GRIK1: variants seen among roughly 807,000 people sequenced by gnomAD.
GRIK1 encodes the protein glutamate receptor ionotropic, kainate 1.
GRIK1 carries 69 observed loss-of-function variants against 105.7 expected under a neutral mutation model. The ratio of observed to expected loss-of-function variants is 0.65; its 90% CI spans 0.54 to 0.80. The LOEUF (loss-of-function observed/expected upper bound fraction) is 0.80. Ranked by LOEUF, GRIK1 falls within the 30% of genes least tolerant of loss-of-function variation. The pLI, the probability that GRIK1 is intolerant of heterozygous loss-of-function variation, is 0.00. For synonymous variants in GRIK1, 438 were observed against 431.3 expected, an observed-to-expected ratio of 1.02 and a Z score of -0.19; for missense variants, 1,109 against 1,167.3, an observed-to-expected ratio of 0.95 and a Z score of 0.73.
At chr21:29,554,924 C>T (rs2090209871) in intron 16 of GRIK1, 128 bp downstream of exon 16, 1 of 719,936 alleles carries the variant, frequency 1.4e-6, no homozygotes, top group Non-Finnish European at 2.3e-6. Context: ...TCTGCTCTAA[C>T]TCAAAAATGG....
chr21:29,740,965 A>T (rs1218946899), intron 1 of GRIK1, among the ~76,000 whole-genome samples: 1 of 152,222 alleles, frequency 6.6e-6, no homozygotes, highest in East Asian at 1.9e-4. Context: ...GAAGCTGAAG[A>T]TGTAGAAACC....
intron 4 of GRIK1, among the ~76,000 whole-genome samples, chr21:29,657,124 TTAGA>T (rs2062869630): frequency 6.6e-6 from 1 of 152,156 alleles, no homozygotes; most frequent in African/African-American, 2.4e-5. Flanking sequence ...ACTTTGGTCA[TTAGA>T]TAGTGTAATT....
chr21:29,837,369 C>A (rs1320785064), intron 1 of GRIK1, among the ~76,000 whole-genome samples: 2 of 152,130 alleles, frequency 1.3e-5, no homozygotes, highest in Non-Finnish European at 2.9e-5. Flanking sequence ...AAGCCTTTAG[C>A]AGCATCTGAT....
At chr21:29,872,265 C>A (rs1308959039) in intron 1 of GRIK1, among the ~76,000 whole-genome samples, 19 of 146,642 alleles carry the variant, frequency 1.3e-4, no homozygotes, top group African/African-American at 4.8e-4. Context: ...GCGATCTTGG[C>A]TCACTGCAAG....
intron 1 of GRIK1, among the ~76,000 whole-genome samples, chr21:29,905,946 TTTG>T (rs2070622358): frequency 1.4e-5 from 2 of 142,748 alleles, no homozygotes; most frequent in African/African-American, 6.1e-5. Context: ...GTTTTTTTTG[TTTG>T]TTTGTTTGTT....
At position 29,561,657 on chromosome 21, in the gene GRIK1, C is replaced by T; in HGVS notation, c.2323G>A (p.Asp775Asn). ...CNLTQIGGLI[D>N]SKGYGVGTPI... ...GTTCCCACTCCGTAACCTTTGGAGT[C>T]AATGAGGCCCCCGATCTGAGTGAGG... The change falls in exon 15 of 18, where the codon GAC (aspartate) becomes AAC (asparagine). Residue 775 changes from aspartate (D) to asparagine (N), a missense_variant. By Grantham distance (23) the Asp-to-Asn change is conservative. Transcript: ENST00000327783. 6.2e-7 allele frequency: 1 copy of T among 1,613,732 alleles called. No individual in the cohort carries two copies. Among genetic ancestry groups the T allele is most frequent in the Non-Finnish European group, 8.5e-7 (1 of 1,179,652 alleles).
intron 1 of GRIK1, among the ~76,000 whole-genome samples, chr21:29,721,382 G>A (rs934720567): frequency 6.6e-6 from 1 of 152,098 alleles, no homozygotes. Context: ...GAGAAAGATC[G>A]CAGTGAGAGA....
At position 29,561,716 on chromosome 21, in the gene GRIK1, G is replaced by A. The variant is rs201090248; in HGVS notation, c.2264C>T (p.Thr755Ile). Residue 755 changes from threonine to isoleucine, a missense_variant, in exon 15 of 18, where the codon ACC becomes ATC. By Grantham distance (89) the Thr-to-Ile change is moderately conservative (BLOSUM62 -1). Transcript: ENST00000327783. ...TTDYALLMESTSIEYVTQRNC... is the reference protein window; with the variant it reads ...TTDYALLMESISIEYVTQRNC... ...TCTCTGCGTCACATACTCAATGCTG[G>A]TGGACTCCATCAGCAGCGCGTAGTC... 6.2e-6 allele frequency: 10 copies of A among 1,612,360 alleles called. No homozygotes were observed. Among genetic ancestry groups the A allele is most frequent in the African/African-American group, 1.3e-5 (1 of 74,854 alleles).
intron 13 of GRIK1, among the ~76,000 whole-genome samples, chr21:29,579,334 G>C (rs1345930448): frequency 6.6e-6 from 1 of 152,138 alleles, no homozygotes; most frequent in Non-Finnish European, 1.5e-5. Flanking sequence ...CTTTCAAGTA[G>C]AGATGATTTG....
chr21:29,577,052 G>A lies in GRIK1; in HGVS notation c.2042C>T (p.Ser681Phe), dbSNP rs767533461. 31 of 1,613,230 alleles carry A rather than the reference G, an allele frequency of 1.9e-5. No homozygotes were observed. In the East Asian group the frequency reaches 6.7e-4, roughly 35 times the overall value. The change falls in exon 14 of 18, where the codon TCC (serine) becomes TTC (phenylalanine). Residue 681 changes from serine to phenylalanine, a missense_variant. This residue lies in a region of GRIK1 where 264 missense variants were observed against 306.9 expected (regional missense o/e 0.86). Coordinates refer to ENST00000327783, the MANE Select transcript of GRIK1 (RefSeq NM_001330994.2). ...AAFLTVERME[S>F]PIDSADDLAK... ...CAGATCATCTGCCGAATCTATGGGG[G>A]ATTCCATTCTCTCTACTGTCAAGAA...
At chr21:29,730,916 A>T (rs995096617) in intron 1 of GRIK1, among the ~76,000 whole-genome samples, 3 of 152,212 alleles carry the variant, frequency 2.0e-5, no homozygotes, top group African/African-American at 7.2e-5. Flanking sequence ...CAAGTTTAAG[A>T]CAGTTTTGTA....
intron 8 of GRIK1, chr21:29,596,892 C>A: frequency 6.3e-6 from 2 of 317,054 alleles, no homozygotes; most frequent in South Asian, 6.7e-5. Context: ...TTAAGAAGAC[C>A]CTTTTAAGGC....
intron 1 of GRIK1, among the ~76,000 whole-genome samples, chr21:29,759,485 G>A (rs1277361176): frequency 2.0e-5 from 3 of 152,164 alleles, no homozygotes; most frequent in Non-Finnish European, 2.9e-5. Context: ...TAATTTATAT[G>A]AAACACCTGG....
chr21:29,709,760 AT>A (rs973196209), intron 1 of GRIK1, among the ~76,000 whole-genome samples: 16 of 151,308 alleles, frequency 1.1e-4, no homozygotes, highest in Non-Finnish European at 1.8e-4. Flanking sequence ...ATCTTTTATA[AT>A]TTTTTTTGTT....
chr21:29,583,940 A>G (rs2091076257), intron 12 of GRIK1, among the ~76,000 whole-genome samples: 1 of 152,216 alleles, frequency 6.6e-6, no homozygotes, highest in Non-Finnish European at 1.5e-5. Flanking sequence ...AGATAATCCG[A>G]AACTGCTATC....
At chr21:29,783,584 T>G (rs2145790072) in intron 1 of GRIK1, among the ~76,000 whole-genome samples, 1 of 152,330 alleles carries the variant, frequency 6.6e-6, no homozygotes, top group South Asian at 2.1e-4. Flanking sequence ...CATTAAAATT[T>G]TTCAATCCAT....
chr21:29,620,852 CAT>C (rs1305666653), intron 7 of GRIK1, among the ~76,000 whole-genome samples: 1 of 138,272 alleles, frequency 7.2e-6, no homozygotes, highest in African/African-American at 2.8e-5. Flanking sequence ...AAATATATAT[CAT>C]ATGTAGTTAT....
intron 1 of GRIK1, among the ~76,000 whole-genome samples, chr21:29,762,095 T>C (rs886932479): frequency 6.6e-6 from 1 of 152,226 alleles, no homozygotes; most frequent in Non-Finnish European, 1.5e-5. Flanking sequence ...CAGTACAGTA[T>C]TTTTTCCACA....
chr21:29,885,899 T>C (rs1268830795), intron 1 of GRIK1, among the ~76,000 whole-genome samples: 3 of 152,166 alleles, frequency 2.0e-5, no homozygotes, highest in Admixed American at 6.6e-5. Context: ...TGGTCTTCTT[T>C]ATCTTTCCCA....
Sources: gnomAD v4.1 joint callset for allele counts (sites outside exome capture counted in the v4.1 genomes callset) on GRCh38, gnomAD v4.1.1 for gene constraint, gnomAD v4.1.1 regional missense constraint, MANE v1.5 for transcripts, NCBI Gene and HGNC (gene_info 2026-07-23, HGNC 2026-07-21) for gene names.